The following UVRAG variants were observed in gnomAD, a reference collection of about 807,000 sequenced individuals.
The protein encoded by UVRAG is UV radiation resistance-associated gene protein.
A neutral mutation model predicts 78.0 loss-of-function variants in UVRAG; 19 were observed. The ratio of observed to expected loss-of-function variants is 0.24; its 90% CI spans 0.17 to 0.36. UVRAG has a LOEUF of 0.36. Ranked by LOEUF, UVRAG falls within the 10% of genes least tolerant of loss-of-function variation. The pLI is 1.00. For synonymous variants in UVRAG, 323 were observed against 324.6 expected (o/e 1.00, Z 0.05); for missense variants, 740 against 853.8 (o/e 0.87, Z 1.66).
Position 75,911,945 on chromosome 11 carries a change from G to A in UVRAG, c.508-9G>A. 1 of 1,586,580 alleles carries A rather than the reference G, an allele frequency of 6.3e-7. No homozygotes were observed. The highest frequency in any genetic ancestry group is 8.6e-7 in the Non-Finnish European group (1 of 1,160,076). On this transcript the variant is annotated splice_polypyrimidine_tract_variant and intron_variant, in intron 5 of 14. Coordinates refer to ENST00000356136, the MANE Select transcript of UVRAG (RefSeq NM_003369.4). ...GGTTTTGATTAATTTGTTGGTTAATGTCTTTCAGGGTTATTCAAATGCTCA... is the reference window on the plus strand; with the variant it reads ...GGTTTTGATTAATTTGTTGGTTAATATCTTTCAGGGTTATTCAAATGCTCA...
intron 12 of UVRAG, among the ~76,000 whole-genome samples, chr11:76,022,946 T>C (rs1407422480): frequency 6.6e-6 from 1 of 152,172 alleles, no homozygotes; most frequent in Non-Finnish European, 1.5e-5. Flanking sequence ...TTTTTTATGG[T>C]TATGATGGGA....
At chr11:76,098,577 G>A (rs1006642438) in intron 13 of UVRAG, among the ~76,000 whole-genome samples, 1 of 152,202 alleles carries the variant, frequency 6.6e-6, no homozygotes, top group Non-Finnish European at 1.5e-5. Flanking sequence ...GTGGCAGTTT[G>A]AAGATAGAAG....
chr11:76,106,795 A>G (rs1159424066), intron 13 of UVRAG, among the ~76,000 whole-genome samples: 6 of 152,258 alleles, frequency 3.9e-5, no homozygotes, highest in Admixed American at 2.6e-4. Context: ...GACTATCAAC[A>G]TGAGGGCAAG....
chr11:76,103,387 G>T (rs1045008072), intron 13 of UVRAG, among the ~76,000 whole-genome samples: 1 of 152,046 alleles, frequency 6.6e-6, no homozygotes, highest in African/African-American at 2.4e-5. Flanking sequence ...GAGTCATTTT[G>T]TGATACCCAA....
chr11:76,061,497 A>G (rs1376975016), intron 12 of UVRAG, among the ~76,000 whole-genome samples: 1 of 152,150 alleles, frequency 6.6e-6, no homozygotes, highest in Non-Finnish European at 1.5e-5. Flanking sequence ...CTTTGGGTCC[A>G]CACTGTGTTT....
chr11:75,928,667 C>T (rs1009628541), intron 6 of UVRAG, among the ~76,000 whole-genome samples: 2 of 151,108 alleles, frequency 1.3e-5, no homozygotes, highest in Admixed American at 6.6e-5. Flanking sequence ...GGGCCGGGTG[C>T]GGTGGCTCAC....
At chr11:76,063,290 A>G (rs568989274) in intron 12 of UVRAG, among the ~76,000 whole-genome samples, 51 of 152,282 alleles carry the variant, frequency 3.3e-4, no homozygotes, top group African/African-American at 1.1e-3. Flanking sequence ...GACAGACTGG[A>G]AAAAGAAAGG....
chr11:75,836,112 A>T (rs1158918559), intron 1 of UVRAG, among the ~76,000 whole-genome samples: 1 of 151,960 alleles, frequency 6.6e-6, no homozygotes, highest in Non-Finnish European at 1.5e-5. Flanking sequence ...AAAAAAACAA[A>T]AAAACCCACC....
rs112685143 is a variant in UVRAG, at chr11:76,070,493, A to T, written c.1305+4705A>T. ...ACCCATGAATATGTTAATTTGTTTG[A>T]CTGCTATAATCATTTCACTATGTAT... On this transcript the variant is annotated intron_variant, in intron 13 of 14. Transcript: ENST00000356136. 1.8e-3 allele frequency among the ~76,000 whole-genome samples: 273 copies of T among 152,234 alleles called. 1 individual carries two copies. The highest frequency in any genetic ancestry group is 6.3e-3 in the African/African-American group (262 of 41,502).
At chr11:75,924,571 GT>G (rs1331983551) in intron 6 of UVRAG, among the ~76,000 whole-genome samples, 1 of 151,866 alleles carries the variant, frequency 6.6e-6, no homozygotes, top group Admixed American at 6.6e-5. Flanking sequence ...TGTATTTTTA[GT>G]AGAGAAGGGG....
chr11:75,882,612 A>T (rs1460804073), intron 4 of UVRAG, among the ~76,000 whole-genome samples: 1 of 152,034 alleles, frequency 6.6e-6, no homozygotes, highest in Non-Finnish European at 1.5e-5. Context: ...TTTTACCTGT[A>T]GTCACCATGC....
At chr11:76,009,162 G>T (rs574792110) in intron 11 of UVRAG, among the ~76,000 whole-genome samples, 1 of 152,182 alleles carries the variant, frequency 6.6e-6, no homozygotes, top group East Asian at 1.9e-4. Flanking sequence ...CTTCCTTTTG[G>T]TTTGATTTTT....
chr11:76,053,798 C>T (rs559735899), intron 12 of UVRAG, among the ~76,000 whole-genome samples: 3 of 152,002 alleles, frequency 2.0e-5, no homozygotes, highest in Non-Finnish European at 4.4e-5. Context: ...GGTGAAACCC[C>T]GTTTCTACTA....
chr11:75,925,303 G>A (rs1239377060), intron 6 of UVRAG, among the ~76,000 whole-genome samples: 2 of 152,118 alleles, frequency 1.3e-5, no homozygotes, highest in Admixed American at 6.5e-5. Context: ...TTTACATGCC[G>A]TTTTATTAAG....
intron 3 of UVRAG, among the ~76,000 whole-genome samples, chr11:75,877,450 C>T (rs887133905): frequency 2.0e-5 from 3 of 151,338 alleles, no homozygotes; most frequent in Admixed American, 2.0e-4. Context: ...CCCTCACCTC[C>T]CGGACGGGGG....
rs191970110 is a variant in UVRAG at position 76,083,658 on chromosome 11, C to T, written c.1305+17870C>T. On this transcript the variant is annotated intron_variant, in intron 13 of 14. Transcript: ENST00000356136. ...GCTGAACTATGACCACTAAGCTAACCGGGAAGAGGAAATTACTTTGTATAA... is the reference window on the plus strand; with the variant it reads ...GCTGAACTATGACCACTAAGCTAACTGGGAAGAGGAAATTACTTTGTATAA... Among the ~76,000 whole-genome samples, 6 of 152,200 alleles carry T rather than the reference C, an allele frequency of 3.9e-5. No individual in the cohort carries two copies. The East Asian group carries it at 9.7e-4, about 24-fold the overall frequency.
intron 5 of UVRAG, among the ~76,000 whole-genome samples, chr11:75,893,842 G>A (rs1011365529): frequency 1.3e-5 from 2 of 150,454 alleles, no homozygotes; most frequent in Admixed American, 6.6e-5. Context: ...AAAAAAAAGC[G>A]AGGGTGAGAG....
chr11:75,967,091 C>T (rs900762922), intron 7 of UVRAG, among the ~76,000 whole-genome samples: 2 of 152,154 alleles, frequency 1.3e-5, no homozygotes, highest in African/African-American at 4.8e-5. Context: ...TTGTTTATGC[C>T]AAGTTCTGAC....
chr11:76,036,430 G>A (rs1950535839), intron 12 of UVRAG, among the ~76,000 whole-genome samples: 1 of 151,770 alleles, frequency 6.6e-6, no homozygotes, highest in Non-Finnish European at 1.5e-5. Flanking sequence ...CCCAGCTACT[G>A]AGGAGGCTGA....
Sources: allele counts gnomAD v4.1 joint callset (sites outside exome capture counted in the v4.1 genomes callset), GRCh38; gene constraint gnomAD v4.1.1; transcripts MANE v1.5; gene names NCBI Gene and HGNC (gene_info 2026-07-23, HGNC 2026-07-21).